Variants in MARCHF1 observed in about 807,000 individuals in gnomAD.
MARCHF1 encodes the protein membrane associated ring-CH-type finger 1.
MARCHF1 carries 40 observed loss-of-function variants against 54.2 expected under a neutral mutation model. The observed-to-expected ratio is 0.74, with a 90% confidence interval of 0.57 to 0.96. MARCHF1 has a LOEUF of 0.96. MARCHF1 is among the 40% of genes least tolerant of loss of function. The pLI is 0.00. For missense variants in MARCHF1, 586 were observed against 656.5 expected, an observed-to-expected ratio of 0.89 and a Z score of 1.17; for synonymous variants, 236 against 236.3, an observed-to-expected ratio of 1.00 and a Z score of 0.01.
chr4:163,797,300 G>A (rs188342216), intron 4 of MARCHF1, among the ~76,000 whole-genome samples: 82 of 151,018 alleles, frequency 5.4e-4, no homozygotes, highest in Admixed American at 2.6e-3. Context: ...TTTTGTCTTT[G>A]GTATTATGTA....
intron 1 of MARCHF1, among the ~76,000 whole-genome samples, chr4:164,346,406 C>T (rs1016195611): frequency 2.0e-5 from 3 of 151,942 alleles, no homozygotes; most frequent in African/African-American, 7.2e-5. Context: ...TTCTACAATC[C>T]ACTGTTTATT....
At chr4:163,888,603 G>A (rs571878859) in intron 3 of MARCHF1, among the ~76,000 whole-genome samples, 13 of 152,270 alleles carry the variant, frequency 8.5e-5, no homozygotes, top group Admixed American at 5.2e-4. Flanking sequence ...ATTTCTCACT[G>A]TTAACTGATA....
intron 7 of MARCHF1, 124 bp downstream of exon 7, chr4:163,612,147 C>T: frequency 3.5e-6 from 3 of 848,460 alleles, no homozygotes; most frequent in South Asian, 2.7e-5. Flanking sequence ...CTTTTATATC[C>T]AATCAGAAAA....
intron 2 of MARCHF1, among the ~76,000 whole-genome samples, chr4:164,060,683 T>C (rs1754596544): frequency 1.3e-5 from 2 of 152,252 alleles, no homozygotes; most frequent in South Asian, 4.1e-4. Flanking sequence ...TATAGTCCCC[T>C]AGGAACAGAA....
intron 3 of MARCHF1, among the ~76,000 whole-genome samples, chr4:163,859,301 C>A (rs763988528): frequency 1.3e-5 from 2 of 151,730 alleles, no homozygotes; most frequent in African/African-American, 4.8e-5. Flanking sequence ...AATGAAGAAA[C>A]GGCACAATAC....
At chr4:163,840,047 T>C (rs1181369537) in intron 4 of MARCHF1, among the ~76,000 whole-genome samples, 1 of 152,176 alleles carries the variant, frequency 6.6e-6, no homozygotes, top group Non-Finnish European at 1.5e-5. Context: ...GTAGATTTTA[T>C]AGACATTAAG....
At chr4:164,185,702 A>G (rs1487153944) in intron 1 of MARCHF1, among the ~76,000 whole-genome samples, 1 of 152,130 alleles carries the variant, frequency 6.6e-6, no homozygotes, top group Non-Finnish European at 1.5e-5. Context: ...GAAGATACCT[A>G]TATGATCTAT....
chr4:164,116,544 T>C (rs1755943125), intron 1 of MARCHF1, among the ~76,000 whole-genome samples: 1 of 151,138 alleles, frequency 6.6e-6, no homozygotes, highest in Non-Finnish European at 1.5e-5. Context: ...TAGTTTCTGT[T>C]CCAAGAGTTT....
chr4:164,317,703 G>A (rs1300757202), intron 1 of MARCHF1, among the ~76,000 whole-genome samples: 6 of 152,136 alleles, frequency 3.9e-5, no homozygotes, highest in Non-Finnish European at 5.9e-5. Context: ...CTAGCCATCT[G>A]TGCCTGAAAA....
intron 5 of MARCHF1, among the ~76,000 whole-genome samples, chr4:163,657,710 G>A (rs766291223): frequency 6.6e-6 from 1 of 152,028 alleles, no homozygotes; most frequent in Non-Finnish European, 1.5e-5. Context: ...TACAAAAATA[G>A]ACACATAGAC....
chr4:163,768,325 A>G (rs1747051338), intron 4 of MARCHF1, among the ~76,000 whole-genome samples: 1 of 152,200 alleles, frequency 6.6e-6, no homozygotes. Context: ...TAAAGGGCTT[A>G]CTTCGTCTCT....
chr4:163,815,227 C>A (rs1748500762), intron 4 of MARCHF1, among the ~76,000 whole-genome samples: 1 of 152,116 alleles, frequency 6.6e-6, no homozygotes, highest in Non-Finnish European at 1.5e-5. Context: ...CTTAAAAACT[C>A]CCTAAAATCC....
chr4:163,765,030 C>T (rs941557418), intron 4 of MARCHF1, among the ~76,000 whole-genome samples: 4 of 151,790 alleles, frequency 2.6e-5, no homozygotes, highest in Non-Finnish European at 5.9e-5. Context: ...GTTTATTGTA[C>T]CTGGATGGTG....
intron 1 of MARCHF1, among the ~76,000 whole-genome samples, chr4:164,274,740 G>A (rs1322486793): frequency 4.6e-5 from 6 of 130,796 alleles, no homozygotes; most frequent in South Asian, 2.5e-4. Flanking sequence ...GCAGCGGTGC[G>A]ATCTCAGCTC....
intron 1 of MARCHF1, among the ~76,000 whole-genome samples, chr4:164,221,697 T>G (rs781669050): frequency 2.1e-4 from 32 of 152,040 alleles, no homozygotes; most frequent in Non-Finnish European, 4.0e-4. Context: ...ATTTTGATGA[T>G]TTTTATACTC....
Position 163,612,285 on chromosome 4 carries a change from A to C in MARCHF1, c.996T>G (p.Asn332Lys), listed in dbSNP as rs1210251933. The stretch of plus-strand genomic sequence containing the variant: ...CAGTGACTGACCTGCATACTTCTAA[A>C]TTATCAGACCCATCGTCATAGGTGG... ...PPATYDDGSD[N>K]LEVCRICHCE... Residue 332 changes from asparagine to lysine, a missense_variant, in exon 7 of 10, where the codon AAT becomes AAG. Asn to Lys is a moderately conservative substitution (Grantham distance 94). Coordinates refer to ENST00000514618, the MANE Select transcript of MARCHF1 (RefSeq NM_001394959.1). 6.6e-7 allele frequency: 1 copy of C among 1,505,278 alleles called. No individual in the cohort carries two copies. Among genetic ancestry groups the C allele is most frequent in the South Asian group, 1.3e-5 (1 of 78,040 alleles). The allele number at this position is 1,505,278 out of a possible 1,614,324, so 93.2% of individuals were successfully genotyped here.
At chr4:164,278,836 C>A (rs1733951792) in intron 1 of MARCHF1, among the ~76,000 whole-genome samples, 3 of 152,036 alleles carry the variant, frequency 2.0e-5, no homozygotes, top group Admixed American at 2.0e-4. Context: ...TCATTCACAC[C>A]ATCTGATTAT....
At chr4:164,166,253 T>C (rs966942) in intron 1 of MARCHF1, among the ~76,000 whole-genome samples, 28,787 of 151,914 alleles carry the variant, frequency 0.19, 4,388 homozygotes, top group African/African-American at 0.41. Context: ...ATTTCATGCA[T>C]GAGATGATAA....
At chr4:163,908,359 AG>A (rs1751116772) in intron 3 of MARCHF1, among the ~76,000 whole-genome samples, 1 of 152,132 alleles carries the variant, frequency 6.6e-6, no homozygotes, top group Non-Finnish European at 1.5e-5. Flanking sequence ...ATAGAAAGAG[AG>A]AGAGAGGAGA....
Sources: allele counts gnomAD v4.1 joint callset (sites outside exome capture counted in the v4.1 genomes callset), GRCh38; gene constraint gnomAD v4.1.1; transcripts MANE v1.5; gene names NCBI Gene and HGNC (gene_info 2026-07-23, HGNC 2026-07-21).